LIMS2: variants seen among roughly 807,000 people sequenced by gnomAD.
LIMS2 encodes LIM and senescent cell antigen-like-containing domain protein 2.
Under a neutral mutation model 45.3 loss-of-function variants are expected in LIMS2, and 30 were observed. The observed-to-expected ratio is 0.66, with a 90% CI of 0.50 to 0.90. The LOEUF is 0.90. Ranked by LOEUF, LIMS2 falls within the 40% of genes least tolerant of loss-of-function variation. The probability of loss-of-function intolerance (pLI) is 0.00; values close to 1 mark genes in which losing one functional copy is unlikely to be tolerated. For missense variants in LIMS2, 485 were observed against 468.7 expected (o/e 1.03, Z -0.32); for synonymous variants, 173 against 188.0 (o/e 0.92, Z 0.65).
chr2:127,673,528 T>C lies in LIMS2; in HGVS notation c.11+1486A>G, dbSNP rs374645471. ...CCGGGCTCACCTGACGGCCTCCGTC[T>C]CCAGGGAAAGGCCCAAGGGACTCAG... On this transcript the variant is annotated intron_variant, in intron 1 of 9. Transcript: ENST00000355119. The C allele has an allele frequency of 1.1e-4, 82 of 777,028 alleles. No individual in the cohort carries two copies. The African/African-American group carries it at 1.1e-3, about 11-fold the overall frequency. 48.1% of individuals were successfully genotyped at this position (777,028 alleles called of 1,614,324 possible).
intron 1 of LIMS2, among the ~76,000 whole-genome samples, chr2:127,668,694 A>AAAAAAC (rs1685139946): frequency 7.4e-6 from 1 of 134,258 alleles, no homozygotes; most frequent in African/African-American, 2.9e-5. Context: ...AAAAAAAAAA[A>AAAAAAC]AAAAAAAAAA....
In LIMS2 at chr2:127,643,000, G is replaced by T; in HGVS notation, c.432C>A (p.His144Gln). 1 of 1,579,358 alleles carries T rather than the reference G, an allele frequency of 6.3e-7. No homozygotes were observed. The highest frequency in any genetic ancestry group is 8.6e-7 in the Non-Finnish European group (1 of 1,162,762). ...GLGKYICQRC[H>Q]LVIDEQPLMF... is the part of the protein sequence containing the mutation. ...TGAGGGGCTGCTCGTCGATGACCAG[G>T]TGGCACCGCTGGCAGATGTACTTGC... Residue 144 changes from histidine to glutamine, a missense_variant, in exon 5 of 10, where the codon CAC (histidine) becomes CAA (glutamine). By Grantham distance (24) the His-to-Gln change is conservative. Transcript: ENST00000355119. This position sits in a 1 kb window ranked among gnomAD's most constrained non-coding sequence, Gnocchi z 5.3.
rs748740736 is a variant in LIMS2 at position 127,639,051 on chromosome 2, T to C, written c.*230A>G. 14 of 551,432 alleles carry C rather than the reference T, an allele frequency of 2.5e-5. No homozygotes were observed. The highest frequency in any genetic ancestry group is 4.5e-5 in the Non-Finnish European group (14 of 311,028). 34.2% of individuals were successfully genotyped at this position (551,432 alleles called of 1,614,324 possible). A position where few individuals can be genotyped will look rare whatever the true frequency, so the allele number is the denominator to read the frequency against. On this transcript the variant is annotated 3_prime_UTR_variant, in exon 10 of 10. Transcript: ENST00000355119. Reference sequence around the variant, plus strand: ...GACATGGCTGTCAGACGTGGGGTCATAGGCTCCCACTCCCCAGCTCCTGCC... The same window carrying C: ...GACATGGCTGTCAGACGTGGGGTCACAGGCTCCCACTCCCCAGCTCCTGCC...
chr2:127,654,317 C>A (rs958385921), intron 4 of LIMS2, 107 bp downstream of exon 4: 33 of 1,486,314 alleles, frequency 2.2e-5, no homozygotes, highest in African/African-American at 1.1e-4. Context: ...GCTGCAGCAC[C>A]GGGACCCTTC....
chr2:127,651,762 G>A (rs775630529), intron 4 of LIMS2: 5 of 1,609,638 alleles, frequency 3.1e-6, no homozygotes, highest in East Asian at 2.2e-5. Flanking sequence ...GTGAGCGGGG[G>A]GCGCCGTCCA....
rs772821628 is a variant in LIMS2 at position 127,642,154 on chromosome 2, GT to G, written c.554del (p.Tyr185SerfsTer79). ...CCATCTTGTCATGGCAGGGCAGGCAGTAGAGCTCACCCTTCAGCTCGCGGGC... is the reference window on the plus strand; with the variant it reads ...CCATCTTGTCATGGCAGGGCAGGCAGAGAGCTCACCCTTCAGCTCGCGGGC... ...AEARELKGEL[Y>X]CLPCHDKMGV... On this transcript the variant is annotated frameshift_variant, in exon 6 of 10. Coordinates refer to ENST00000355119, the MANE Select transcript of LIMS2 (RefSeq NM_001161403.3). LOFTEE classifies it high-confidence loss of function. The surrounding 1 kb of genome is among the most constrained non-coding windows in gnomAD (Gnocchi z 5.3). The G allele has an allele frequency of 1.3e-6, 2 of 1,593,252 alleles. No individual in the cohort carries two copies. Among genetic ancestry groups the G allele is most frequent in the South Asian group, 2.3e-5 (2 of 88,866 alleles).
chr2:127,653,197 G>C lies in LIMS2; in HGVS notation c.359+1227C>G, dbSNP rs114666962. On this transcript the variant is annotated intron_variant, in intron 4 of 9. Transcript: ENST00000355119. The surrounding 1 kb of genome is among the most constrained non-coding windows in gnomAD (Gnocchi z 5.3). ...ACGGGCAGCACACGGACAAGAGCTC[G>C]GTAGTGTCGGGGAAGCATCTCGGAG... 6.6e-6 allele frequency among the ~76,000 whole-genome samples: 1 copy of C among 152,220 alleles called. No homozygotes were observed. Among genetic ancestry groups the C allele is most frequent in the African/African-American group, 2.4e-5 (1 of 41,456 alleles).
intron 1 of LIMS2, among the ~76,000 whole-genome samples, chr2:127,657,795 A>G (rs1399796089): frequency 1.3e-5 from 2 of 152,180 alleles, no homozygotes; most frequent in East Asian, 3.8e-4. Flanking sequence ...CCCCTTCTTC[A>G]GGGACCAGAG....
Position 127,640,081 on chromosome 2 carries a change from C to T in LIMS2, c.867G>A (p.Lys289=). The T allele has an allele frequency of 6.2e-7, 1 of 1,613,492 alleles. No homozygotes were observed. Residue 289 remains lysine, a synonymous_variant, in exon 9 of 10, where the codon AAG becomes AAA. Coordinates refer to ENST00000355119, the MANE Select transcript of LIMS2 (RefSeq NM_001161403.3). ...TCACAGGGACTCACTTCAGGGTGAGCTTGCTGTTGCAGGTGGAGCAGGAGA... is the reference window on the plus strand; with the variant it reads ...TCACAGGGACTCACTTCAGGGTGAGTTTGCTGTTGCAGGTGGAGCAGGAGA... ...SCFSCSTCNS[K]LTLKNKFVEF...
chr2:127,641,943 C>A, intron 6 of LIMS2, 106 bp downstream of exon 6: 1 of 1,328,796 alleles, frequency 7.5e-7, no homozygotes, highest in South Asian at 1.6e-5. Context: ...TGGGAGCCAG[C>A]CACCCGCCCT....
chr2:127,648,074 T>C (rs1683196261), intron 4 of LIMS2: 1 of 985,364 alleles, frequency 1.0e-6, no homozygotes, highest in South Asian at 4.7e-5. Flanking sequence ...GCCCTCACCG[T>C]GGTTTTAGCA....
At chr2:127,663,584 C>T (rs1684814965) in intron 1 of LIMS2, among the ~76,000 whole-genome samples, 1 of 152,128 alleles carries the variant, frequency 6.6e-6, no homozygotes, top group South Asian at 2.1e-4. Context: ...GTCCTCCAGG[C>T]CCTCCCCTAC....
In LIMS2 at chr2:127,664,204, G is replaced by T; in HGVS notation, c.12-6642C>A. On this transcript the variant is annotated intron_variant, in intron 1 of 9. Coordinates refer to ENST00000355119, the MANE Select transcript of LIMS2 (RefSeq NM_001161403.3). This position sits in a 1 kb window ranked among gnomAD's most constrained non-coding sequence, Gnocchi z 5.5. ...CATCCGACGCCGGGGCAGAGCCCAC[G>T]GCGTCGGAGGGCCCCGGTCGGGTTT... is the stretch of plus-strand genomic sequence containing the variant. 2 of 980,460 alleles carry T rather than the reference G, an allele frequency of 2.0e-6. No homozygotes were observed. The highest frequency in any genetic ancestry group is 2.6e-6 in the Non-Finnish European group (2 of 776,164). 60.7% of individuals were successfully genotyped at this position (980,460 alleles called of 1,614,324 possible).
chr2:127,651,768 G>A (rs764080281), intron 4 of LIMS2: 100 of 1,607,790 alleles, frequency 6.2e-5, no homozygotes, highest in Non-Finnish European at 7.0e-5. Flanking sequence ...GGGGGGCGCC[G>A]TCCAGGCCGA....
chr2:127,651,222 A>G, intron 4 of LIMS2: 1 of 1,608,610 alleles, frequency 6.2e-7, no homozygotes, highest in Non-Finnish European at 8.5e-7. Context: ...GGCTGTGGCC[A>G]TGGCCCCGCT....
chr2:127,641,290 G>C, intron 6 of LIMS2: 1 of 284,108 alleles, frequency 3.5e-6, no homozygotes, highest in Non-Finnish European at 6.8e-6. Context: ...TCCCAGTCTG[G>C]CCTCCCCCTC....
At position 127,654,512 on chromosome 2, in the gene LIMS2, T is replaced by C. The variant is rs1684111422; in HGVS notation, c.271A>G (p.Met91Val). 1 of 1,614,144 alleles carries C rather than the reference T, an allele frequency of 6.2e-7. No individual in the cohort carries two copies. Among genetic ancestry groups the C allele is most frequent in the Non-Finnish European group, 8.5e-7 (1 of 1,180,002 alleles). ...EFIIGRVIKAMNNNWHPGCFR... is the reference protein window; with the variant it reads ...EFIIGRVIKAVNNNWHPGCFR... ...CAGCCCGGGTGCCAGTTGTTGTTCA[T>C]GGCCTTGATGACGCGGCCAATGATG... The change falls in exon 4 of 10, where the codon ATG (methionine) becomes GTG (valine). Residue 91 changes from methionine (M) to valine (V), a missense_variant. Met to Val is a conservative substitution (Grantham distance 21, BLOSUM62 1). Transcript: ENST00000355119.
At chr2:127,677,774 T>C (rs1402019202), upstream of LIMS2, among the ~76,000 whole-genome samples, 1 of 152,130 alleles carries the variant, frequency 6.6e-6, no homozygotes, top group Non-Finnish European at 1.5e-5. The surrounding 1 kb of genome is among the most constrained non-coding windows in gnomAD (Gnocchi z 5.0). Flanking sequence ...AAGAGCACCT[T>C]TTCCATCTAT....
chr2:127,658,552 A>G (rs1684413253), intron 1 of LIMS2, among the ~76,000 whole-genome samples: 1 of 152,220 alleles, frequency 6.6e-6, no homozygotes, highest in Admixed American at 6.5e-5. Context: ...AAAAGCCCAC[A>G]GTGAGCCAGG....
Sources: allele counts gnomAD v4.1 joint callset (sites outside exome capture counted in the v4.1 genomes callset), GRCh38; gene constraint gnomAD v4.1.1; non-coding constraint Gnocchi (gnomAD v3.1); transcripts MANE v1.5; gene names NCBI Gene and HGNC (gene_info 2026-07-23, HGNC 2026-07-21).